CSMD1: variants seen among roughly 807,000 people sequenced by gnomAD.
CSMD1 encodes CUB and sushi domain-containing protein 1.
Under a neutral mutation model 417.5 loss-of-function variants are expected in CSMD1, and 213 were observed. That is an observed-to-expected ratio of 0.51 (90% CI 0.46 to 0.57). The LOEUF is 0.57. Ranked by LOEUF, CSMD1 falls within the 20% of genes least tolerant of loss-of-function variation. The probability of loss-of-function intolerance (pLI) is 0.00; values close to 1 mark genes in which losing one functional copy is unlikely to be tolerated. For missense variants in CSMD1, 6,923 were observed against 4,529.7 expected, an observed-to-expected ratio of 1.53 and a Z score of -15.17; for synonymous variants, 2,862 against 1,736.8, an observed-to-expected ratio of 1.65 and a Z score of -16.11.
chr8:4,152,719 A>G (rs1796632831), intron 3 of CSMD1, among the ~76,000 whole-genome samples: 1 of 151,866 alleles, frequency 6.6e-6, no homozygotes, highest in Non-Finnish European at 1.5e-5. Flanking sequence ...CTTTACATAT[A>G]CACACACACA....
At chr8:2,966,207 A>G (rs1395186264) in intron 58 of CSMD1, among the ~76,000 whole-genome samples, 5 of 152,154 alleles carry the variant, frequency 3.3e-5, no homozygotes, top group Non-Finnish European at 7.3e-5. Context: ...CCCCTTGACT[A>G]GCCCCTAATT....
At chr8:4,944,476 A>G (rs1387657687) in intron 1 of CSMD1, among the ~76,000 whole-genome samples, 3 of 152,214 alleles carry the variant, frequency 2.0e-5, no homozygotes, top group Admixed American at 2.0e-4. Context: ...ACTAACCCAG[A>G]CACCAAACAG....
chr8:4,799,231 G>C (rs1452609767), intron 1 of CSMD1, among the ~76,000 whole-genome samples: 1 of 152,046 alleles, frequency 6.6e-6, no homozygotes, highest in South Asian at 2.1e-4. Flanking sequence ...AGAGTGAAAC[G>C]GTAAGGGATA....
intron 10 of CSMD1, among the ~76,000 whole-genome samples, chr8:3,529,280 G>A (rs758194140): frequency 2.6e-5 from 4 of 152,036 alleles, no homozygotes; most frequent in African/African-American, 4.8e-5. Context: ...TGATTTTTTT[G>A]CATTAATTTG....
intron 3 of CSMD1, among the ~76,000 whole-genome samples, chr8:4,075,860 A>T (rs182978476): frequency 1.3e-5 from 2 of 152,298 alleles, no homozygotes; most frequent in African/African-American, 2.4e-5. Flanking sequence ...TCAGGGAGCC[A>T]GTTCATATCT....
chr8:3,194,459 T>TATTTA (rs1362170813), intron 33 of CSMD1, among the ~76,000 whole-genome samples: 1 of 122,872 alleles, frequency 8.1e-6, no homozygotes, highest in Non-Finnish European at 1.8e-5. Context: ...TATTTTATTT[T>TATTTA]ATTTCATTTC....
At chr8:3,003,510 A>C (rs1490969576) in intron 52 of CSMD1, among the ~76,000 whole-genome samples, 9 of 152,220 alleles carry the variant, frequency 5.9e-5, no homozygotes, top group Non-Finnish European at 1.2e-4. Context: ...TAACCTCACC[A>C]CTGGGCAGTC....
intron 5 of CSMD1, among the ~76,000 whole-genome samples, chr8:3,818,128 G>C (rs182379523): frequency 6.6e-6 from 1 of 152,076 alleles, no homozygotes; most frequent in Non-Finnish European, 1.5e-5. Flanking sequence ...AGGACCCAAA[G>C]AGAGTTTCAG....
intron 1 of CSMD1, among the ~76,000 whole-genome samples, chr8:4,684,393 T>A (rs1806237202): frequency 6.6e-6 from 1 of 152,196 alleles, no homozygotes; most frequent in Non-Finnish European, 1.5e-5. Flanking sequence ...CTCATCAAAT[T>A]TCAATACTTT....
At chr8:4,686,437 C>T (rs1299099831) in intron 1 of CSMD1, among the ~76,000 whole-genome samples, 4 of 152,206 alleles carry the variant, frequency 2.6e-5, no homozygotes, top group Non-Finnish European at 5.9e-5. Flanking sequence ...CCGATGTAGG[C>T]CATAAGTAGG....
chr8:4,776,175 T>C (rs1256581711), intron 1 of CSMD1, among the ~76,000 whole-genome samples: 2 of 152,198 alleles, frequency 1.3e-5, no homozygotes, highest in African/African-American at 2.4e-5. Flanking sequence ...CCCACATTAG[T>C]TTAGAAGAGA....
intron 5 of CSMD1, among the ~76,000 whole-genome samples, chr8:3,961,771 G>C (rs1049657252): frequency 2.0e-5 from 3 of 152,194 alleles, no homozygotes; most frequent in African/African-American, 4.8e-5. Flanking sequence ...GAAGGCATCA[G>C]CTTTGATAAT....
intron 3 of CSMD1, among the ~76,000 whole-genome samples, chr8:4,191,589 T>G (rs1799035545): frequency 6.6e-6 from 1 of 152,118 alleles, no homozygotes; most frequent in South Asian, 2.1e-4. Context: ...TCACTGTTCT[T>G]CAGCTGTTTA....
At chr8:2,957,214 AT>A (rs1311339195) in intron 63 of CSMD1, among the ~76,000 whole-genome samples, 1 of 152,104 alleles carries the variant, frequency 6.6e-6, no homozygotes, top group Non-Finnish European at 1.5e-5. Flanking sequence ...AGCAAGAATA[AT>A]TTTTTAAACA....
chr8:4,217,451 A>T (rs1800752177), intron 3 of CSMD1, among the ~76,000 whole-genome samples: 1 of 152,196 alleles, frequency 6.6e-6, no homozygotes, highest in Non-Finnish European at 1.5e-5. Flanking sequence ...GTTATACCAT[A>T]GCTATACACA....
intron 2 of CSMD1, among the ~76,000 whole-genome samples, chr8:4,427,857 T>G (rs534702035): frequency 5.8e-4 from 88 of 152,288 alleles, no homozygotes; most frequent in African/African-American, 2.0e-3. Context: ...AAAACCCTGT[T>G]GAATTTTAAA....
intron 50 of CSMD1, 130 bp downstream of exon 50, chr8:3,052,332 A>G (rs1811871508): frequency 1.6e-6 from 1 of 632,772 alleles, no homozygotes; most frequent in African/African-American, 1.8e-5. Context: ...TAATATTGCT[A>G]TGATGAAAGA....
At position 3,900,319 on chromosome 8, in the gene CSMD1, C is replaced by A. The variant is rs552719314; in HGVS notation, c.818+97584G>T. Among the ~76,000 whole-genome samples the A allele has an allele frequency of 3.0e-3, 448 of 151,656 alleles. 1 individual carries two copies. The highest frequency in any genetic ancestry group is 0.01 in the African/African-American group (432 of 41,176). ...ACACTGTAGCTGGGTGACAGTGCAG[C>A]TGGATGACACTACAGCTGGGTGACA... On this transcript the variant is annotated intron_variant, in intron 5 of 69. Transcript: ENST00000635120.
Position 3,926,108 on chromosome 8 carries a change from C to CCATACACACACACACACACAAACACCAT in CSMD1, c.818+71794_818+71795insATGGTGTTTGTGTGTGTGTGTGTGTATG, listed in dbSNP as rs11373813. On this transcript the variant is annotated intron_variant, in intron 5 of 69. Coordinates refer to ENST00000635120, the MANE Select transcript of CSMD1 (RefSeq NM_033225.6). The stretch of plus-strand genomic sequence containing the variant: ...ACACACACACACACACACACACACA[C>CCATACACACACACACACACAAACACCAT]ACACACACACACACACACACACACT... 2.9e-4 allele frequency among the ~76,000 whole-genome samples: 23 copies of CCATACACACACACACACACAAACACCAT among 79,226 alleles called. 2 individuals carry two copies. The East Asian group carries it at 3.7e-3, about 13-fold the overall frequency. 52.0% of individuals were successfully genotyped at this position (79,226 alleles called of 152,430 possible).
Sources: gnomAD v4.1 joint callset for allele counts (sites outside exome capture counted in the v4.1 genomes callset) on GRCh38, gnomAD v4.1.1 for gene constraint, MANE v1.5 for transcripts, NCBI Gene and HGNC (gene_info 2026-07-23, HGNC 2026-07-21) for gene names.